Variants in PHACTR3 observed in about 807,000 individuals in gnomAD.
PHACTR3 encodes the protein protein phosphatase 1, regulatory subunit 123.
In PHACTR3, 16 loss-of-function variants were observed where a neutral mutation model predicts 66.8. That is an observed-to-expected ratio of 0.24 (90% CI 0.16 to 0.36). PHACTR3 has a LOEUF of 0.36. Among genes scored for constraint, PHACTR3 ranks in the 10% least tolerant of loss-of-function variants. The pLI, the probability that PHACTR3 is intolerant of heterozygous loss-of-function variation, is 1.00. For synonymous variants in PHACTR3, 323 were observed against 292.1 expected (o/e 1.11, Z -1.08); for missense variants, 647 against 719.9 (o/e 0.90, Z 1.16).
At position 59,649,962 on chromosome 20, in the gene PHACTR3, G is replaced by A. The variant is rs562079914; in HGVS notation, c.118+44830G>A. Reference sequence around the variant, plus strand: ...TTATAAGTATGGAAATAGATATAAAGGGATTTGCTGGAAGAATTTCTTTTG... The same window carrying A: ...TTATAAGTATGGAAATAGATATAAAAGGATTTGCTGGAAGAATTTCTTTTG... On this transcript the variant is annotated intron_variant, in intron 1 of 12. Transcript: ENST00000371015. Among the ~76,000 whole-genome samples, 240 of 152,264 alleles carry A rather than the reference G, an allele frequency of 1.6e-3. 1 individual carries two copies. The highest frequency in any genetic ancestry group is 5.6e-3 in the African/African-American group (233 of 41,566).
intron 1 of PHACTR3, among the ~76,000 whole-genome samples, chr20:59,593,598 C>T (rs1290065455): frequency 6.6e-6 from 1 of 151,864 alleles, no homozygotes; most frequent in Non-Finnish European, 1.5e-5. Context: ...AGACTTTTCT[C>T]CTGTGTTATC....
chr20:59,578,804 A>G (rs1004598943), intron 1 of PHACTR3, among the ~76,000 whole-genome samples: 1 of 152,212 alleles, frequency 6.6e-6, no homozygotes. Flanking sequence ...AGAGCCCGCT[A>G]TCTGCCAGGC....
At chr20:59,717,913 C>T (rs1342058659) in intron 1 of PHACTR3, among the ~76,000 whole-genome samples, 2 of 152,080 alleles carry the variant, frequency 1.3e-5, no homozygotes, top group African/African-American at 2.4e-5. Flanking sequence ...GATTTATGTC[C>T]TTTGTGATGG....
At chr20:59,585,727 C>T (rs1413842085) in intron 1 of PHACTR3, among the ~76,000 whole-genome samples, 2 of 152,190 alleles carry the variant, frequency 1.3e-5, no homozygotes, top group Non-Finnish European at 2.9e-5. Flanking sequence ...GGGTTGGTGG[C>T]AGGGAGGCCT....
chr20:59,641,121 A>G (rs942202778), intron 1 of PHACTR3, among the ~76,000 whole-genome samples: 9 of 152,106 alleles, frequency 5.9e-5, no homozygotes, highest in South Asian at 2.1e-4. Flanking sequence ...TCTATTGCCT[A>G]TCTATTCATC....
chr20:59,830,876 G>T lies in PHACTR3; in HGVS notation c.1329-5629G>T, dbSNP rs2042348342. ...TCTGTGCCAGTGCTGGGGCACCAGT[G>T]CTGACTGTGGAATAGACAGTTGACA... On this transcript the variant is annotated intron_variant, in intron 8 of 12. Transcript: ENST00000371015. This position sits in a 1 kb window ranked among gnomAD's most constrained non-coding sequence, Gnocchi z 5.8. Among the ~76,000 whole-genome samples the T allele has an allele frequency of 6.6e-6, 1 of 152,160 alleles. No individual in the cohort carries two copies. Among genetic ancestry groups the T allele is most frequent in the African/African-American group, 2.4e-5 (1 of 41,412 alleles).
intron 1 of PHACTR3, among the ~76,000 whole-genome samples, chr20:59,715,547 G>T (rs575240000): frequency 6.6e-6 from 1 of 152,096 alleles, no homozygotes; most frequent in Non-Finnish European, 1.5e-5. Context: ...TAGGATTTCT[G>T]TATCTATGGT....
At chr20:59,650,939 T>G (rs2146449748) in intron 1 of PHACTR3, among the ~76,000 whole-genome samples, 1 of 152,162 alleles carries the variant, frequency 6.6e-6, no homozygotes, top group South Asian at 2.1e-4. Context: ...TAATGTTTTG[T>G]TTTTTTCTTG....
intron 1 of PHACTR3, among the ~76,000 whole-genome samples, chr20:59,585,610 C>A (rs986115688): frequency 6.6e-6 from 1 of 152,156 alleles, no homozygotes; most frequent in African/African-American, 2.4e-5. Context: ...CAGTGACTGG[C>A]GCATTTTTGT....
chr20:59,833,039 G>C (rs571684178), intron 8 of PHACTR3, among the ~76,000 whole-genome samples: 4 of 152,120 alleles, frequency 2.6e-5, no homozygotes, highest in Non-Finnish European at 5.9e-5. Context: ...CACTGTCTAG[G>C]GTTCTGCATC....
At chr20:59,682,176 C>A (rs549256428) in intron 1 of PHACTR3, among the ~76,000 whole-genome samples, 1 of 151,928 alleles carries the variant, frequency 6.6e-6, no homozygotes, top group African/African-American at 2.4e-5. Context: ...CCCGTCTCTA[C>A]TAAAAATACA....
At chr20:59,723,493 C>T (rs2038426500) in intron 1 of PHACTR3, among the ~76,000 whole-genome samples, 1 of 152,140 alleles carries the variant, frequency 6.6e-6, no homozygotes, top group African/African-American at 2.4e-5. Flanking sequence ...TCTCTTTATC[C>T]ATTCATCCGT....
chr20:59,754,870 A>G (rs1466567430), intron 3 of PHACTR3, among the ~76,000 whole-genome samples: 1 of 152,242 alleles, frequency 6.6e-6, no homozygotes, highest in African/African-American at 2.4e-5. Flanking sequence ...GAGTGGGGCT[A>G]CTGCAAAGGT....
rs144715368 is a variant in PHACTR3, at chr20:59,713,641, T to C, written c.119-29466T>C. 3.1e-3 allele frequency among the ~76,000 whole-genome samples: 472 copies of C among 152,360 alleles called. 3 individuals carry two copies. The highest frequency in any genetic ancestry group is 0.011 in the African/African-American group (453 of 41,576). Reference sequence around the variant, plus strand: ...AGTATTCCAATGTGTGAATATATTCTCAATTTATCCAATCTACTGTTAATA... The same window carrying C: ...AGTATTCCAATGTGTGAATATATTCCCAATTTATCCAATCTACTGTTAATA... On this transcript the variant is annotated intron_variant, in intron 1 of 12. Transcript: ENST00000371015.
At chr20:59,712,260 A>G (rs1465155830) in intron 1 of PHACTR3, among the ~76,000 whole-genome samples, 1 of 152,110 alleles carries the variant, frequency 6.6e-6, no homozygotes, top group Non-Finnish European at 1.5e-5. Context: ...CAAATATCTG[A>G]TTATGATTCT....
chr20:59,704,816 T>C (rs921640002), intron 1 of PHACTR3, among the ~76,000 whole-genome samples: 1 of 152,054 alleles, frequency 6.6e-6, no homozygotes, highest in South Asian at 2.1e-4. Context: ...AAGAATATTA[T>C]GAGTTATATC....
At chr20:59,663,841 T>C (rs896896020) in intron 1 of PHACTR3, among the ~76,000 whole-genome samples, 1 of 152,216 alleles carries the variant, frequency 6.6e-6, no homozygotes, top group Non-Finnish European at 1.5e-5. Flanking sequence ...ACTTATAGCA[T>C]GGTTGCACGT....
intron 1 of PHACTR3, among the ~76,000 whole-genome samples, chr20:59,710,370 T>C (rs1483620976): frequency 1.3e-5 from 2 of 152,172 alleles, no homozygotes; most frequent in Non-Finnish European, 2.9e-5. Flanking sequence ...GTGGTCCTCA[T>C]TGGACTGTGA....
chr20:59,807,396 A>G (rs1023933583), intron 8 of PHACTR3, among the ~76,000 whole-genome samples: 2 of 152,206 alleles, frequency 1.3e-5, no homozygotes, highest in African/African-American at 4.8e-5. Flanking sequence ...GTCCCACTGG[A>G]AGATCTTCAG....
Sources: gnomAD v4.1 joint callset for allele counts (sites outside exome capture counted in the v4.1 genomes callset) on GRCh38, gnomAD v4.1.1 for gene constraint, Gnocchi (gnomAD v3.1) non-coding constraint, MANE v1.5 for transcripts, NCBI Gene and HGNC (gene_info 2026-07-23, HGNC 2026-07-21) for gene names.